The following KAZN variants were observed in gnomAD, a reference collection of about 807,000 sequenced individuals.
KAZN encodes kazrin, periplakin interacting protein.
In KAZN, 40 loss-of-function variants were observed where a neutral mutation model predicts 87.4. The ratio of observed to expected loss-of-function variants is 0.46; its 90% confidence interval spans 0.36 to 0.60. KAZN has a LOEUF of 0.60. Among genes scored for constraint, KAZN ranks in the 20% least tolerant of loss-of-function variants. KAZN has a pLI of 0.00. For synonymous variants in KAZN, 466 were observed against 458.3 expected, an observed-to-expected ratio of 1.02 and a Z score of -0.22; for missense variants, 898 against 1,073.9, an observed-to-expected ratio of 0.84 and a Z score of 2.29.
At chr1:14,255,553 T>C (rs1650440391) in intron 2 of KAZN, among the ~76,000 whole-genome samples, 1 of 152,220 alleles carries the variant, frequency 6.6e-6, no homozygotes, top group African/African-American at 2.4e-5. Context: ...AATGGAATTA[T>C]GGGAAGAATG....
intron 2 of KAZN, among the ~76,000 whole-genome samples, chr1:14,534,035 A>G (rs1339161225): frequency 6.6e-6 from 1 of 152,162 alleles, no homozygotes; most frequent in East Asian, 1.9e-4. Flanking sequence ...TCCTTAGCCT[A>G]AACCGTCCTG....
At chr1:14,469,229 TCTG>T (rs1668320392) in intron 2 of KAZN, among the ~76,000 whole-genome samples, 2 of 152,016 alleles carry the variant, frequency 1.3e-5, no homozygotes, top group Admixed American at 1.3e-4. Flanking sequence ...TAAAAAAAAA[TCTG>T]CTATATTCCC....
intron 2 of KAZN, among the ~76,000 whole-genome samples, chr1:14,592,855 GA>G (rs1378039037): frequency 2.0e-5 from 3 of 152,192 alleles, no homozygotes; most frequent in Non-Finnish European, 4.4e-5. Context: ...TGGAATCCAG[GA>G]TTTATCACTC....
intron 1 of KAZN, among the ~76,000 whole-genome samples, chr1:14,811,572 T>C (rs1311915803): frequency 1.3e-5 from 2 of 152,230 alleles, no homozygotes; most frequent in Non-Finnish European, 2.9e-5. Flanking sequence ...TTCGCAAAGA[T>C]TTTTTTGCAC....
chr1:14,635,849 A>G (rs1679939606), intron 1 of KAZN, among the ~76,000 whole-genome samples: 1 of 152,226 alleles, frequency 6.6e-6, no homozygotes, highest in South Asian at 2.1e-4. Flanking sequence ...CCCTCTACCC[A>G]GCATGCCAGT....
chr1:14,257,613 T>C (rs1227757343), intron 2 of KAZN, among the ~76,000 whole-genome samples: 1 of 148,494 alleles, frequency 6.7e-6, no homozygotes, highest in Non-Finnish European at 1.5e-5. Context: ...GGTCTAACGT[T>C]TAAATCTTTA....
At chr1:14,416,026 G>A (rs917694410) in intron 2 of KAZN, among the ~76,000 whole-genome samples, 44 of 152,114 alleles carry the variant, frequency 2.9e-4, no homozygotes, top group East Asian at 3.9e-4. Context: ...GCTGAGGGGC[G>A]GAGGCAAAAA....
rs1557624847 is a variant in KAZN at position 14,923,653 on chromosome 1, C to A, written c.227-37031C>A. On this transcript the variant is annotated intron_variant, in intron 1 of 14. Transcript: ENST00000376030. The surrounding 1 kb of genome is among the most constrained non-coding windows in gnomAD (Gnocchi z 4.2). ...CCCCCTCGCGATCTCCCCCACCAGA[C>A]GGTGGGTGCACTCAGCATTCCCCTC... 6.6e-6 allele frequency among the ~76,000 whole-genome samples: 1 copy of A among 152,216 alleles called. No homozygotes were observed. Among genetic ancestry groups the A allele is most frequent in the African/African-American group, 2.4e-5 (1 of 41,456 alleles).
chr1:14,209,754 A>G (rs1400345040), intron 2 of KAZN, among the ~76,000 whole-genome samples: 2 of 152,196 alleles, frequency 1.3e-5, no homozygotes, highest in African/African-American at 2.4e-5. Context: ...TAGCAGTTCA[A>G]TATTGGCTAT....
chr1:14,622,688 T>TAAAAAAAAA (rs1678807457), intron 1 of KAZN, among the ~76,000 whole-genome samples: 1 of 66,704 alleles, frequency 1.5e-5, no homozygotes, highest in Admixed American at 1.1e-4. Flanking sequence ...AGACTCCATC[T>TAAAAAAAAA]CAAAAAAAAA....
At chr1:14,192,781 A>G (rs931915509) in intron 2 of KAZN, among the ~76,000 whole-genome samples, 1 of 152,210 alleles carries the variant, frequency 6.6e-6, no homozygotes, top group African/African-American at 2.4e-5. Context: ...ATCAAAAAGA[A>G]ATAATTCCTT....
chr1:14,177,445 A>T (rs1247415051), intron 1 of KAZN, among the ~76,000 whole-genome samples: 1 of 152,148 alleles, frequency 6.6e-6, no homozygotes, highest in Non-Finnish European at 1.5e-5. Flanking sequence ...TTTTAGTGCA[A>T]ATCTGCTGGT....
intron 2 of KAZN, among the ~76,000 whole-genome samples, chr1:14,183,720 C>A (rs1646247298): frequency 6.6e-6 from 1 of 152,100 alleles, no homozygotes; most frequent in African/African-American, 2.4e-5. Flanking sequence ...CCCCCAAAGA[C>A]CTAATATCAT....
chr1:14,059,361 G>A (rs1194269356), intron 1 of KAZN, among the ~76,000 whole-genome samples: 1 of 152,180 alleles, frequency 6.6e-6, no homozygotes, highest in African/African-American at 2.4e-5. Flanking sequence ...ACTGGTGCAA[G>A]TCCCAGAGTC....
chr1:14,885,478 C>T (rs958865959), intron 1 of KAZN, among the ~76,000 whole-genome samples: 1 of 152,218 alleles, frequency 6.6e-6, no homozygotes, highest in African/African-American at 2.4e-5. Context: ...TGCCTGTAGA[C>T]TCTGACACTG....
chr1:14,865,724 C>A (rs763614019), intron 1 of KAZN, among the ~76,000 whole-genome samples: 9 of 152,186 alleles, frequency 5.9e-5, no homozygotes, highest in Non-Finnish European at 1.3e-4. Flanking sequence ...TAGAACATGA[C>A]CTTATTTGAA....
intron 2 of KAZN, among the ~76,000 whole-genome samples, chr1:14,400,593 T>C (rs1434183483): frequency 6.6e-6 from 1 of 152,220 alleles, no homozygotes; most frequent in Non-Finnish European, 1.5e-5. Flanking sequence ...GTCTCCAGGC[T>C]ATGCCAGGGA....
chr1:14,948,265 G>C (rs952441625), intron 1 of KAZN, among the ~76,000 whole-genome samples: 4 of 152,232 alleles, frequency 2.6e-5, no homozygotes, highest in African/African-American at 9.7e-5. Flanking sequence ...GATAGGATCT[G>C]GCTTCAGGTG....
intron 2 of KAZN, among the ~76,000 whole-genome samples, chr1:14,191,838 G>A (rs1646425417): frequency 6.6e-6 from 1 of 152,064 alleles, no homozygotes; most frequent in African/African-American, 2.4e-5. Flanking sequence ...GGCAGGTGAT[G>A]GGTGGCATCC....
Sources: allele counts gnomAD v4.1 joint callset (sites outside exome capture counted in the v4.1 genomes callset), GRCh38; gene constraint gnomAD v4.1.1; non-coding constraint Gnocchi (gnomAD v3.1); transcripts MANE v1.5; gene names NCBI Gene and HGNC (gene_info 2026-07-23, HGNC 2026-07-21).